PACRG: variants seen among roughly 807,000 people sequenced by gnomAD.
PACRG encodes parkin coregulated, also known as parkin coregulated gene protein.
In PACRG, 29 loss-of-function variants were observed where a neutral mutation model predicts 29.7. That is an observed-to-expected ratio of 0.98 (90% CI 0.73 to 1.33). PACRG has a LOEUF of 1.33. Among genes scored for constraint, PACRG ranks in the 40% most tolerant of loss-of-function variants. The probability of loss-of-function intolerance (pLI) is 0.00; values close to 1 mark genes in which losing one functional copy is unlikely to be tolerated. For synonymous variants in PACRG, 116 were observed against 118.7 expected (o/e 0.98, Z 0.15); for missense variants, 279 against 316.2 (o/e 0.88, Z 0.89).
intron 2 of PACRG, among the ~76,000 whole-genome samples, chr6:162,986,925 G>T (rs1257253029): frequency 6.7e-6 from 1 of 149,320 alleles, no homozygotes; most frequent in East Asian, 1.9e-4. Context: ...TTCTTATCCT[G>T]TATTTTTTTT....
At chr6:163,277,696 T>G (rs1261716802) in intron 4 of PACRG, among the ~76,000 whole-genome samples, 1 of 151,010 alleles carries the variant, frequency 6.6e-6, no homozygotes, top group Non-Finnish European at 1.5e-5. Context: ...TATATCTATA[T>G]ATATAGATAT....
intron 2 of PACRG, among the ~76,000 whole-genome samples, chr6:163,003,171 C>T (rs1804740031): frequency 6.6e-6 from 1 of 152,138 alleles, no homozygotes; most frequent in Admixed American, 6.5e-5. Context: ...TATTACTTCT[C>T]TTAAAGTAGG....
chr6:162,964,348 T>C (rs1800862040), intron 2 of PACRG, among the ~76,000 whole-genome samples: 1 of 152,256 alleles, frequency 6.6e-6, no homozygotes, highest in Admixed American at 6.5e-5. Flanking sequence ...CTTTTTGAAC[T>C]ATTTTTATGG....
Position 163,200,352 on chromosome 6 carries a change from T to C in PACRG, c.613+110944T>C, listed in dbSNP as rs186033038. Among the ~76,000 whole-genome samples, 78 of 152,184 alleles carry C rather than the reference T, an allele frequency of 5.1e-4. No homozygotes were observed. In the East Asian group the frequency reaches 0.01, roughly 20 times the overall value. On this transcript the variant is annotated intron_variant, in intron 4 of 4. Transcript: ENST00000366888. ...AGGATGGGACCACCCAGTGTGGGCT[T>C]ATATATATGTGCACACACACAGCAC...
intron 2 of PACRG, among the ~76,000 whole-genome samples, chr6:163,054,415 A>G (rs1449752980): frequency 6.6e-6 from 1 of 152,130 alleles, no homozygotes; most frequent in Non-Finnish European, 1.5e-5. Flanking sequence ...CCTGATCTCC[A>G]ACTTCCAGCC....
chr6:162,728,157 C>T lies in PACRG; in HGVS notation c.-79C>T, dbSNP rs9456807. The stretch of plus-strand genomic sequence containing the variant: ...TATCGCGCCTTTTGATATTTTTTTC[C>T]AGACCTCCTGCTCACATCCGTAAAG... On this transcript the variant is annotated 5_prime_UTR_variant, in exon 1 of 5. Transcript: ENST00000366888. The T allele has an allele frequency of 1.2e-3, 1,781 of 1,509,650 alleles. 17 individuals carry two copies. In the African/African-American group the frequency reaches 0.022, roughly 19 times the overall value. 93.5% of individuals were successfully genotyped at this position (1,509,650 alleles called of 1,614,324 possible).
At chr6:163,021,781 T>A (rs2128220986) in intron 2 of PACRG, among the ~76,000 whole-genome samples, 1 of 152,290 alleles carries the variant, frequency 6.6e-6, no homozygotes, top group Admixed American at 6.5e-5. Flanking sequence ...ATGGTTTCCA[T>A]CATGGTCCCC....
At chr6:163,287,146 C>T (rs757332045) in intron 4 of PACRG, among the ~76,000 whole-genome samples, 23 of 152,038 alleles carry the variant, frequency 1.5e-4, no homozygotes, top group Non-Finnish European at 2.8e-4. Flanking sequence ...TGGTGGCTGT[C>T]GGAACGAAAG....
chr6:163,056,121 C>G (rs539493664), intron 2 of PACRG, among the ~76,000 whole-genome samples: 3 of 152,170 alleles, frequency 2.0e-5, no homozygotes, highest in Non-Finnish European at 2.9e-5. Context: ...CAAGTGTTGA[C>G]GAGAATGTGG....
intron 4 of PACRG, among the ~76,000 whole-genome samples, chr6:163,311,723 C>G (rs1020848477): frequency 1.3e-5 from 2 of 152,162 alleles, no homozygotes; most frequent in Non-Finnish European, 2.9e-5. Flanking sequence ...GAATAAGCAA[C>G]TCCTATTGTG....
intron 4 of PACRG, among the ~76,000 whole-genome samples, chr6:163,235,172 T>C (rs1473357063): frequency 6.6e-6 from 1 of 152,086 alleles, no homozygotes; most frequent in Non-Finnish European, 1.5e-5. Flanking sequence ...GAATGGGAGT[T>C]GTGGGCATGA....
intron 1 of PACRG, among the ~76,000 whole-genome samples, chr6:162,742,688 T>G (rs1469709042): frequency 1.3e-5 from 2 of 152,164 alleles, no homozygotes; most frequent in Non-Finnish European, 2.9e-5. Context: ...TAAGGCTGAA[T>G]AGTATTCCAT....
intron 4 of PACRG, among the ~76,000 whole-genome samples, chr6:163,300,135 T>C (rs990456939): frequency 2.0e-5 from 3 of 152,222 alleles, no homozygotes; most frequent in East Asian, 3.9e-4. Flanking sequence ...CAGGTCTCCA[T>C]CAACCTCTGG....
intron 2 of PACRG, among the ~76,000 whole-genome samples, chr6:162,993,095 G>A (rs1221496623): frequency 6.9e-6 from 1 of 145,572 alleles, no homozygotes; most frequent in African/African-American, 2.5e-5. Context: ...ATTGCACTGT[G>A]GTCTGAGAGA....
chr6:163,307,339 C>T (rs1785228552), intron 4 of PACRG, among the ~76,000 whole-genome samples: 1 of 152,158 alleles, frequency 6.6e-6, no homozygotes, highest in African/African-American at 2.4e-5. Flanking sequence ...ACGAGACATC[C>T]AGCTGGGAAT....
chr6:163,073,530 T>A (rs538943351), intron 3 of PACRG, among the ~76,000 whole-genome samples: 25 of 152,140 alleles, frequency 1.6e-4, no homozygotes, highest in Non-Finnish European at 3.4e-4. Flanking sequence ...GGGCAAAAAT[T>A]TCTTGAACAA....
chr6:162,969,384 C>T (rs1801337843), intron 2 of PACRG, among the ~76,000 whole-genome samples: 1 of 152,004 alleles, frequency 6.6e-6, no homozygotes, highest in African/African-American at 2.4e-5. Context: ...CCACTGCTAC[C>T]CCATCATCTC....
At chr6:162,948,732 A>G (rs1480164303) in intron 2 of PACRG, among the ~76,000 whole-genome samples, 3 of 152,108 alleles carry the variant, frequency 2.0e-5, no homozygotes, top group African/African-American at 7.2e-5. Flanking sequence ...CAAAAAATCC[A>G]AATGAACATT....
chr6:162,866,398 C>T (rs926766196), intron 2 of PACRG, among the ~76,000 whole-genome samples: 3 of 152,144 alleles, frequency 2.0e-5, no homozygotes, highest in Non-Finnish European at 4.4e-5. Flanking sequence ...AAAAACATCT[C>T]CTTCTTCTCC....
Sources: allele counts gnomAD v4.1 joint callset (sites outside exome capture counted in the v4.1 genomes callset), GRCh38; gene constraint gnomAD v4.1.1; transcripts MANE v1.5; gene names NCBI Gene and HGNC (gene_info 2026-07-23, HGNC 2026-07-21).